Variants in LAMA2 observed in about 807,000 individuals in gnomAD.
LAMA2 encodes laminin subunit alpha 2.
In LAMA2, 269 loss-of-function variants were observed where a neutral mutation model predicts 364.8. That is an observed-to-expected ratio of 0.74 (90% confidence interval 0.67 to 0.82). The LOEUF (loss-of-function observed/expected upper bound fraction) is 0.82, where lower values mean the gene tolerates loss of function less well. Ranked by LOEUF, LAMA2 falls within the 40% of genes least tolerant of loss-of-function variation. The probability of loss-of-function intolerance (pLI) is 0.00; values close to 1 mark genes in which losing one functional copy is unlikely to be tolerated. For missense variants in LAMA2, 3,807 were observed against 3,873.2 expected (o/e 0.98, Z 0.45); for synonymous variants, 1,379 against 1,370.6 (o/e 1.01, Z -0.14).
At chr6:129,187,139 G>A (rs1781274610) in intron 10 of LAMA2, among the ~76,000 whole-genome samples, 1 of 151,768 alleles carries the variant, frequency 6.6e-6, no homozygotes, top group Admixed American at 6.6e-5. Context: ...TTCATGTCAA[G>A]AGGATCTTCC....
At chr6:129,415,666 C>G (rs771112571) in intron 40 of LAMA2, among the ~76,000 whole-genome samples, 1 of 151,674 alleles carries the variant, frequency 6.6e-6, no homozygotes, top group Non-Finnish European at 1.5e-5. Context: ...GACAACATGG[C>G]GAAACCCCAT....
At chr6:129,026,325 T>C (rs1268366333) in intron 1 of LAMA2, among the ~76,000 whole-genome samples, 2 of 152,168 alleles carry the variant, frequency 1.3e-5, no homozygotes, top group Non-Finnish European at 2.9e-5. Context: ...TTATGTAACA[T>C]TTTAATTAAA....
chr6:129,427,542 C>T (rs1781382396), intron 40 of LAMA2, among the ~76,000 whole-genome samples: 1 of 152,186 alleles, frequency 6.6e-6, no homozygotes, highest in Admixed American at 6.5e-5. Flanking sequence ...ATTGAAGTTC[C>T]TAAGAACTCT....
At chr6:129,097,526 T>C (rs1051357504) in intron 3 of LAMA2, among the ~76,000 whole-genome samples, 6 of 152,300 alleles carry the variant, frequency 3.9e-5, no homozygotes, top group African/African-American at 1.4e-4. Flanking sequence ...AAAGAGAAGG[T>C]ACAGAAACCC....
intron 2 of LAMA2, among the ~76,000 whole-genome samples, chr6:129,051,678 ATATCTATATC>A: frequency 2.2e-5 from 1 of 45,072 alleles, no homozygotes; most frequent in African/African-American, 1.8e-4. Context: ...CGATCTATAG[ATATCTATATC>A]TATAGATCGA....
Position 129,512,416 on chromosome 6 carries a change from A to C in LAMA2, c.8911A>C (p.Thr2971Pro). ...DLLVEFEFRT[T>P]TTTGVLLGIS... ...TCTTGTAGAATTTGAATTCCGCACA[A>C]CTACAACGACTGGAGTTCTTCTGGG... is the stretch of plus-strand genomic sequence containing the variant. The change falls in exon 63 of 65, where the codon ACT (threonine) becomes CCT (proline). Residue 2971 changes from threonine (T) to proline (P), a missense_variant. Physicochemically the swap from Thr to Pro is conservative, Grantham distance 38 (BLOSUM62 -1). Around this residue, in one of 3 missense-constraint regions of LAMA2, gnomAD observed 3,333 missense variants for 3,345.7 expected, o/e 1.00. Transcript: ENST00000421865. 6.2e-7 allele frequency: 1 copy of C among 1,613,506 alleles called. No homozygotes were observed. Among genetic ancestry groups the C allele is most frequent in the Non-Finnish European group, 8.5e-7 (1 of 1,179,466 alleles).
chr6:129,127,391 G>A lies in LAMA2; in HGVS notation c.640-16510G>A, dbSNP rs112838065. On this transcript the variant is annotated intron_variant, in intron 4 of 64. Coordinates refer to ENST00000421865, the MANE Select transcript of LAMA2 (RefSeq NM_000426.4). Reference sequence around the variant, plus strand: ...TTAAAGCTAAATAGTATTTCATCGTGTATGTGTACGACGTTTTCTTTATCC... The same window carrying A: ...TTAAAGCTAAATAGTATTTCATCGTATATGTGTACGACGTTTTCTTTATCC... 6.9e-3 allele frequency among the ~76,000 whole-genome samples: 1,050 copies of A among 152,280 alleles called. 15 individuals are homozygous for A. The highest frequency in any genetic ancestry group is 0.024 in the African/African-American group (1,008 of 41,564).
intron 1 of LAMA2, among the ~76,000 whole-genome samples, chr6:128,918,678 C>CA (rs1189976364): frequency 3.9e-5 from 6 of 152,074 alleles, no homozygotes; most frequent in Non-Finnish European, 8.8e-5. Context: ...CAGCATTGTG[C>CA]AAAAAATGTA....
rs770974901 is a variant in LAMA2 at position 129,475,530 on chromosome 6, A to T, written c.7451+129A>T. The T allele has an allele frequency of 6.1e-6, 4 of 660,436 alleles. No homozygotes were observed. In the East Asian group the frequency reaches 8.4e-5, roughly 14 times the overall value. The allele number at this position is 660,436 out of a possible 1,614,324, so 40.9% of individuals were successfully genotyped here. A position where few individuals can be genotyped will look rare whatever the true frequency, so the allele number is the denominator to read the frequency against. ...TTTGTTCATAGTATGTTTCACGAGC[A>T]AGCCGTGCATTCTGTGAGAGTTCTC... On this transcript the variant is annotated intron_variant, in intron 53 of 64. Transcript: ENST00000421865.
chr6:128,998,061 T>C lies in LAMA2; in HGVS notation c.113-51857T>C, dbSNP rs546946828. ...AGAGCTGCACAGATGGGGTGGGATA[T>C]GCCAGGTCAAGGAAAGGGCCATGGG... is the stretch of plus-strand genomic sequence containing the variant. On this transcript the variant is annotated intron_variant, in intron 1 of 64. Coordinates refer to ENST00000421865, the MANE Select transcript of LAMA2 (RefSeq NM_000426.4). 3.9e-5 allele frequency among the ~76,000 whole-genome samples: 6 copies of C among 152,014 alleles called. No individual in the cohort carries two copies. In the East Asian group the frequency reaches 5.8e-4, roughly 15 times the overall value.
At chr6:129,312,708 GT>G (rs1474819025) in intron 22 of LAMA2, among the ~76,000 whole-genome samples, 152 bp from the exon 23 acceptor site, 1 of 152,118 alleles carries the variant, frequency 6.6e-6, no homozygotes, top group Non-Finnish European at 1.5e-5. Context: ...GTTCACTGAT[GT>G]TTCCCAAGTG....
intron 52 of LAMA2, 137 bp downstream of exon 52, chr6:129,473,489 T>A: frequency 1.3e-6 from 1 of 765,846 alleles, no homozygotes; most frequent in South Asian, 1.6e-5. Context: ...AAAAACATCA[T>A]GTTGCATGTT....
At position 129,507,519 on chromosome 6, in the gene LAMA2, A is replaced by G. The variant is rs762941185; in HGVS notation, c.8734A>G (p.Asn2912Asp). The G allele has an allele frequency of 1.1e-5, 17 of 1,614,070 alleles. No homozygotes were observed. In the Admixed American group the frequency reaches 2.7e-4, roughly 25 times the overall value. ...CTATAGCATTGATGGCTGCGTCAGG[A>G]ATCTCCACATGGCAGAGGCCCCTGC... is the stretch of plus-strand genomic sequence containing the variant. ...VTYSIDGCVRNLHMAEAPADL... is the reference protein window; with the variant it reads ...VTYSIDGCVRDLHMAEAPADL... Residue 2912 changes from asparagine (N) to aspartate (D), a missense_variant, in exon 62 of 65, where the codon AAT becomes GAT. Physicochemically the swap from Asn to Asp is conservative, Grantham distance 23 (BLOSUM62 1). Around this residue, in one of 3 missense-constraint regions of LAMA2, gnomAD observed 3,333 missense variants for 3,345.7 expected, o/e 1.00. Coordinates refer to ENST00000421865, the MANE Select transcript of LAMA2 (RefSeq NM_000426.4).
intron 1 of LAMA2, among the ~76,000 whole-genome samples, chr6:128,918,523 TCTACTC>T (rs1371093224): frequency 6.6e-6 from 1 of 152,204 alleles, no homozygotes; most frequent in African/African-American, 2.4e-5. Context: ...TTTTTCGTCT[TCTACTC>T]CTATCCTCCC....
At chr6:129,120,955 C>T (rs1408857277) in intron 4 of LAMA2, among the ~76,000 whole-genome samples, 1 of 152,220 alleles carries the variant, frequency 6.6e-6, no homozygotes, top group Non-Finnish European at 1.5e-5. Context: ...TTTTAAGCCA[C>T]ATGAATCAGT....
rs1783432546 is a variant in LAMA2, at chr6:129,464,426, C to T, written c.7129C>T (p.Leu2377=). 1.2e-6 allele frequency: 2 copies of T among 1,612,236 alleles called. No homozygotes were observed. Among genetic ancestry groups the T allele is most frequent in the Middle Eastern group, 3.3e-4 (2 of 6,048 alleles). ...CAGAACATTTTCTTCGAGTGCTCTT[C>T]TGATGTATCTTGCCACACGAGACCT... ...KFRTFSSSAL[L]MYLATRDLRD... Residue 2377 remains leucine, a synonymous_variant, in exon 50 of 65, where the codon CTG becomes TTG. Transcript: ENST00000421865.
intron 35 of LAMA2, among the ~76,000 whole-genome samples, chr6:129,383,857 C>G (rs1778834000): frequency 6.6e-6 from 1 of 152,132 alleles, no homozygotes; most frequent in Non-Finnish European, 1.5e-5. Context: ...CCAAAAAAAC[C>G]TAGTCCTTAA....
chr6:129,133,552 T>C (rs1777610859), intron 4 of LAMA2, among the ~76,000 whole-genome samples: 1 of 152,130 alleles, frequency 6.6e-6, no homozygotes, highest in Non-Finnish European at 1.5e-5. Context: ...TGTGGGAGGA[T>C]GGTGACAGTC....
chr6:129,452,926 A>C (rs1782755934), intron 45 of LAMA2, 62 bp from the exon 46 acceptor site: 1 of 1,428,000 alleles, frequency 7.0e-7, no homozygotes, highest in Admixed American at 1.7e-5. Context: ...GGTTGTATGG[A>C]AGCTACTTCA....
Sources: allele counts gnomAD v4.1 joint callset (sites outside exome capture counted in the v4.1 genomes callset), GRCh38; gene constraint gnomAD v4.1.1; regional missense constraint gnomAD v4.1.1; transcripts MANE v1.5; gene names NCBI Gene and HGNC (gene_info 2026-07-23, HGNC 2026-07-21).